The following MED27 variants were observed in gnomAD, a reference collection of about 807,000 sequenced individuals.
MED27 encodes mediator complex subunit 27, also known as mediator of RNA polymerase II transcription subunit 27.
In MED27, 30 loss-of-function variants were observed where a neutral mutation model predicts 38.2. That is an observed-to-expected ratio of 0.79 (90% CI 0.59 to 1.07). MED27 has a LOEUF of 1.07. Among genes scored for constraint, MED27 ranks in the 50% least tolerant of loss-of-function variants. The pLI is 0.00. For synonymous variants in MED27, 122 were observed against 153.5 expected (o/e 0.79, Z 1.52); for missense variants, 289 against 397.5 (o/e 0.73, Z 2.32).
intron 5 of MED27, 84 bp from the exon 6 acceptor site, chr9:131,884,183 C>T: frequency 9.6e-7 from 1 of 1,041,278 alleles, no homozygotes; most frequent in Non-Finnish European, 1.4e-6. Context: ...ACTGTTAACC[C>T]TTCTTAAACT....
intron 3 of MED27, among the ~76,000 whole-genome samples, chr9:131,951,387 T>G (rs1477995179): frequency 6.6e-6 from 1 of 152,136 alleles, no homozygotes; most frequent in Non-Finnish European, 1.5e-5. Flanking sequence ...AGGCCATATT[T>G]CTCCCTGCCA....
intron 3 of MED27, among the ~76,000 whole-genome samples, chr9:131,996,818 C>T (rs1352293118): frequency 6.6e-6 from 1 of 152,224 alleles, no homozygotes; most frequent in East Asian, 1.9e-4. Flanking sequence ...TGAGGATCCA[C>T]TTCCACTTAA....
chr9:132,077,517 C>T lies in MED27; in HGVS notation c.273G>A (p.Leu91=). 2.5e-6 allele frequency: 4 copies of T among 1,614,144 alleles called. No homozygotes were observed. Among genetic ancestry groups the T allele is most frequent in the Non-Finnish European group, 3.4e-6 (4 of 1,180,000 alleles). ...SENHPLHNSG[L]LSLDPVQDKT... Reference sequence around the variant, plus strand: ...TGTCCTGCACAGGATCCAGGCTTAACAGCCCACTGTTATGAAGAGGATGGT... The same window carrying T: ...TGTCCTGCACAGGATCCAGGCTTAATAGCCCACTGTTATGAAGAGGATGGT... The change falls in exon 2 of 8, where the codon CTG becomes CTA. Residue 91 remains leucine, a synonymous_variant. Coordinates refer to ENST00000292035, the MANE Select transcript of MED27 (RefSeq NM_004269.4).
At chr9:131,936,545 C>A (rs573868794) in intron 4 of MED27, among the ~76,000 whole-genome samples, 1 of 152,236 alleles carries the variant, frequency 6.6e-6, no homozygotes, top group African/African-American at 2.4e-5. Flanking sequence ...GGGCAAGGAG[C>A]AACTGCAGGC....
At chr9:131,928,022 C>A (rs1190230169) in intron 4 of MED27, among the ~76,000 whole-genome samples, 1 of 152,058 alleles carries the variant, frequency 6.6e-6, no homozygotes, top group Non-Finnish European at 1.5e-5. Context: ...TGCATATGCA[C>A]AAACAACCCC....
At chr9:132,041,248 C>T (rs1589283754) in intron 2 of MED27, among the ~76,000 whole-genome samples, 1 of 152,246 alleles carries the variant, frequency 6.6e-6, no homozygotes, top group East Asian at 1.9e-4. Context: ...CAGTGAGGGT[C>T]CAAAGTGGGA....
intron 4 of MED27, among the ~76,000 whole-genome samples, chr9:131,906,090 A>G (rs1830056644): frequency 6.6e-6 from 1 of 152,224 alleles, no homozygotes; most frequent in East Asian, 1.9e-4. Flanking sequence ...CATGTGAAAA[A>G]ATGACATTTA....
chr9:131,893,174 G>A (rs915671505), intron 5 of MED27, among the ~76,000 whole-genome samples: 1 of 152,158 alleles, frequency 6.6e-6, no homozygotes, highest in Non-Finnish European at 1.5e-5. Context: ...AAAGGCTCCC[G>A]ATGGGGTGGG....
At chr9:131,942,189 C>T (rs770374080) in intron 3 of MED27, among the ~76,000 whole-genome samples, 1 of 152,088 alleles carries the variant, frequency 6.6e-6, no homozygotes, top group Non-Finnish European at 1.5e-5. Context: ...AGGTTGACCA[C>T]ACATCATCTC....
At chr9:132,054,882 C>T (rs1833542667) in intron 2 of MED27, among the ~76,000 whole-genome samples, 1 of 152,182 alleles carries the variant, frequency 6.6e-6, no homozygotes, top group Non-Finnish European at 1.5e-5. Flanking sequence ...TGCCCTCCTC[C>T]CTACCCTCCA....
chr9:132,060,380 G>C (rs1362654054), intron 2 of MED27, among the ~76,000 whole-genome samples: 2 of 152,156 alleles, frequency 1.3e-5, no homozygotes. Context: ...ACACCTGTAA[G>C]ATACAGATAT....
chr9:131,947,820 C>T (rs1830913155), intron 3 of MED27, among the ~76,000 whole-genome samples: 1 of 152,148 alleles, frequency 6.6e-6, no homozygotes, highest in African/African-American at 2.4e-5. Context: ...ATTTTCTCCA[C>T]CCGTACAAAA....
intron 3 of MED27, among the ~76,000 whole-genome samples, chr9:132,001,527 G>T (rs1832234250): frequency 2.0e-5 from 3 of 152,072 alleles, no homozygotes; most frequent in African/African-American, 7.2e-5. Flanking sequence ...ATTATAAAAT[G>T]AAATAATATA....
At chr9:132,022,314 T>C (rs964790955) in intron 2 of MED27, among the ~76,000 whole-genome samples, 4 of 152,206 alleles carry the variant, frequency 2.6e-5, no homozygotes, top group Non-Finnish European at 4.4e-5. Context: ...GAAAAACAGA[T>C]TGTGCATCTG....
At chr9:132,048,325 G>A (rs1833385679) in intron 2 of MED27, among the ~76,000 whole-genome samples, 3 of 152,242 alleles carry the variant, frequency 2.0e-5, no homozygotes, top group Middle Eastern at 6.8e-3. Flanking sequence ...CTCGTTTCCA[G>A]TCCTCCAGTC....
intron 2 of MED27, among the ~76,000 whole-genome samples, chr9:132,058,516 C>G (rs1833629376): frequency 6.6e-6 from 1 of 152,218 alleles, no homozygotes; most frequent in Non-Finnish European, 1.5e-5. Context: ...TTGCTCAGCA[C>G]TTCTCTCTCC....
intron 3 of MED27, among the ~76,000 whole-genome samples, chr9:132,001,147 T>C (rs1240827993): frequency 8.5e-5 from 13 of 152,074 alleles, no homozygotes; most frequent in Non-Finnish European, 1.8e-4. Context: ...GTTCCTCTAA[T>C]ATGACTTCTA....
chr9:131,981,524 C>G (rs1178156194), intron 3 of MED27, among the ~76,000 whole-genome samples: 1 of 152,214 alleles, frequency 6.6e-6, no homozygotes, highest in Non-Finnish European at 1.5e-5. Context: ...GCAAGCTGTA[C>G]AGTTCTTCCT....
chr9:132,029,587 A>C (rs1564331513), intron 2 of MED27, among the ~76,000 whole-genome samples: 2 of 152,242 alleles, frequency 1.3e-5, no homozygotes, highest in Non-Finnish European at 2.9e-5. Context: ...AAACACTGAC[A>C]GAGAGTTAAT....
Sources: gnomAD v4.1 joint callset for allele counts (sites outside exome capture counted in the v4.1 genomes callset) on GRCh38, gnomAD v4.1.1 for gene constraint, MANE v1.5 for transcripts, NCBI Gene and HGNC (gene_info 2026-07-23, HGNC 2026-07-21) for gene names.